NBR1: variants seen among roughly 807,000 people sequenced by gnomAD.
The protein encoded by NBR1 is NBR1 autophagy cargo receptor.
NBR1 carries 59 observed loss-of-function variants against 115.5 expected under a neutral mutation model. The ratio of observed to expected loss-of-function variants is 0.51; its 90% CI spans 0.41 to 0.63. The LOEUF is 0.63. NBR1 is among the 30% of genes least tolerant of loss of function. The pLI, the probability that NBR1 is intolerant of heterozygous loss-of-function variation, is 0.00. For missense variants in NBR1, 1,043 were observed against 1,150.5 expected (o/e 0.91, Z 1.35); for synonymous variants, 373 against 414.7 (o/e 0.90, Z 1.22).
Position 43,190,792 on chromosome 17 carries a change from T to G in NBR1, c.863+16T>G, listed in dbSNP as rs750246426. ...AACAAGTCAGGTAAAACCCTCTACA[T>G]GGAGATGCTTATTCTCTGATTGACT... On this transcript the variant is annotated intron_variant, in intron 9 of 20. Coordinates refer to ENST00000590996, the MANE Select transcript of NBR1 (RefSeq NM_005899.5). 6.4e-7 allele frequency: 1 copy of G among 1,567,008 alleles called. No homozygotes were observed. The highest frequency in any genetic ancestry group is 1.8e-5 in the Admixed American group (1 of 54,134).
At position 43,200,416 on chromosome 17, in the gene NBR1, G is replaced by A; in HGVS notation, c.2276G>A (p.Gly759Asp). 1.2e-6 allele frequency: 2 copies of A among 1,608,316 alleles called. No homozygotes were observed. Among genetic ancestry groups the A allele is most frequent in the Admixed American group, 1.7e-5 (1 of 58,760 alleles). Residue 759 changes from glycine to aspartate, a missense_variant, in exon 17 of 21, where the codon GGC becomes GAC. Transcript: ENST00000590996. Reference sequence around the variant, plus strand: ...TACAGCTCTGCGCTCTCACAGCCAGGCCTGGAGCGAGGTGCTGAAGGCAAG... The same window carrying A: ...TACAGCTCTGCGCTCTCACAGCCAGACCTGGAGCGAGGTGCTGAAGGCAAG... ...SMYSSALSQP[G>D]LERGAEGKPG...
rs1347356080 is a variant in NBR1, at chr17:43,200,177, C to T, written c.2037C>T (p.Ala679=). The T allele has an allele frequency of 1.9e-6, 3 of 1,546,638 alleles. No homozygotes were observed. In the African/African-American group the frequency reaches 4.1e-5, roughly 21 times the overall value. ...GCTTTCATCCTTTAGTGACATTTGC[C>T]TTGCCTGAAGGACCACTTGGAAATG... The part of the protein sequence containing the change: ...CRQKSLQMTF[A]LPEGPLGNEK... Residue 679 remains alanine, a synonymous_variant, in exon 17 of 21, where the codon GCC becomes GCT. Transcript: ENST00000590996.
chr17:43,171,204 C>A (rs2056353095), upstream of NBR1: 1 of 152,632 alleles, frequency 6.6e-6, no homozygotes, highest in Non-Finnish European at 1.5e-5. Context: ...CTGTCTTTAT[C>A]CGCCATGTTA....
intron 5 of NBR1, among the ~76,000 whole-genome samples, chr17:43,184,632 C>T (rs2056757202): frequency 6.6e-6 from 1 of 151,806 alleles, no homozygotes. Context: ...TCCCAAAATG[C>T]TGGGATTACA....
At chr17:43,196,802 C>T (rs1252863125) in intron 15 of NBR1, 140 bp from the exon 16 acceptor site, 3 of 978,830 alleles carry the variant, frequency 3.1e-6, no homozygotes, top group Non-Finnish European at 4.6e-6. Flanking sequence ...GGTGAATGTT[C>T]TTCAGCACTT....
chr17:43,197,124 TC>T lies in NBR1; in HGVS notation c.2026+22del, dbSNP rs1276304727. The T allele has an allele frequency of 1.9e-6, 3 of 1,612,282 alleles. No individual in the cohort carries two copies. The highest frequency in any genetic ancestry group is 3.3e-5 in the Admixed American group (2 of 59,926). On this transcript the variant is annotated intron_variant, in intron 16 of 20. Transcript: ENST00000590996. ...CTTGCAGAGTGAGTGTCCTTGCATT[TC>T]CCCTACCTAGCAGGGTGGCACCTGA...
chr17:43,186,482 C>G (rs2056805824), intron 6 of NBR1, 38 bp downstream of exon 6: 1 of 1,396,210 alleles, frequency 7.2e-7, no homozygotes, highest in Admixed American at 3.6e-5. Flanking sequence ...AATATCGTTT[C>G]TTTTTTCTTT....
At chr17:43,206,124 C>T (rs1314818895) in intron 20 of NBR1, among the ~76,000 whole-genome samples, 1 of 146,806 alleles carries the variant, frequency 6.8e-6, no homozygotes, top group East Asian at 2.0e-4. Flanking sequence ...TGCAGTGAGC[C>T]GAGATTGCGC....
At chr17:43,194,927 T>G (rs765407079) in intron 13 of NBR1, 37 bp from the exon 14 acceptor site, 1 of 1,537,478 alleles carries the variant, frequency 6.5e-7, no homozygotes, top group East Asian at 2.3e-5. Flanking sequence ...GGCTCCAGCA[T>G]GCACTCCAAA....
chr17:43,180,659 G>C, intron 4 of NBR1, 136 bp from the exon 5 acceptor site: 1 of 999,952 alleles, frequency 1.0e-6, no homozygotes, highest in Non-Finnish European at 1.3e-6. Context: ...TTTAGGATTG[G>C]CTATCCTTAA....
intron 10 of NBR1, 107 bp from the exon 11 acceptor site, chr17:43,192,987 G>T: frequency 9.1e-7 from 1 of 1,097,176 alleles, no homozygotes; most frequent in South Asian, 1.5e-5. Flanking sequence ...AAGGCAAATG[G>T]GTTAGCACAT....
rs532750287 is a variant in NBR1 at position 43,175,157 on chromosome 17, G to A, written c.-9-634G>A. Among the ~76,000 whole-genome samples the A allele has an allele frequency of 1.4e-4, 21 of 152,196 alleles. No individual in the cohort carries two copies. In the East Asian group the frequency reaches 3.9e-3, roughly 28 times the overall value. Reference sequence around the variant, plus strand: ...AATCAGTAGATTGTGAAAAAACATAGTAACTTGGATGGAGGGCATTGAATG... The same window carrying A: ...AATCAGTAGATTGTGAAAAAACATAATAACTTGGATGGAGGGCATTGAATG... On this transcript the variant is annotated intron_variant, in intron 1 of 20. Coordinates refer to ENST00000590996, the MANE Select transcript of NBR1 (RefSeq NM_005899.5).
intron 1 of NBR1, among the ~76,000 whole-genome samples, chr17:43,174,074 CTG>C (rs1395035783): frequency 6.6e-6 from 1 of 152,084 alleles, no homozygotes; most frequent in Non-Finnish European, 1.5e-5. Context: ...GATATCTAGA[CTG>C]TTTTTAAAAA....
chr17:43,172,274 T>C lies in NBR1; in HGVS notation c.-10+972T>C, dbSNP rs182096891. Among the ~76,000 whole-genome samples, 90 of 152,342 alleles carry C rather than the reference T, an allele frequency of 5.9e-4. No individual in the cohort carries two copies. In the East Asian group the frequency reaches 0.017, roughly 28 times the overall value. ...CTCCTGCTGAAAGAATTTTTTTACA[T>C]GTCAGCCAAAGAGAGTTCCTTATGA... is the stretch of plus-strand genomic sequence containing the variant. On this transcript the variant is annotated intron_variant, in intron 1 of 20. Transcript: ENST00000590996.
At chr17:43,173,397 C>T (rs927964813) in intron 1 of NBR1, among the ~76,000 whole-genome samples, 2 of 152,182 alleles carry the variant, frequency 1.3e-5, no homozygotes. Flanking sequence ...AAGCAATTCT[C>T]CTGCCTCAGC....
chr17:43,185,625 C>T (rs1226488280), intron 5 of NBR1, among the ~76,000 whole-genome samples: 1 of 152,074 alleles, frequency 6.6e-6, no homozygotes, highest in African/African-American at 2.4e-5. Context: ...CGCTTGAGCC[C>T]AAGAGACAGG....
intron 5 of NBR1, 84 bp from the exon 6 acceptor site, chr17:43,186,166 C>T: frequency 8.4e-7 from 1 of 1,191,846 alleles, no homozygotes; most frequent in Non-Finnish European, 1.2e-6. Context: ...ACTTACCACA[C>T]TCTTCTGTTT....
At chr17:43,182,398 T>A (rs531889691) in intron 5 of NBR1, among the ~76,000 whole-genome samples, 12 of 151,308 alleles carry the variant, frequency 7.9e-5, no homozygotes, top group African/African-American at 2.9e-4. Flanking sequence ...ATTTTGTAGT[T>A]TTTAGTAGAG....
chr17:43,178,464 G>C (rs1246971003), intron 3 of NBR1, among the ~76,000 whole-genome samples: 4 of 150,074 alleles, frequency 2.7e-5, no homozygotes, highest in Admixed American at 6.7e-5. Context: ...GCAACCTCCA[G>C]CTCCTGGGTT....
Sources: gnomAD v4.1 joint callset for allele counts (sites outside exome capture counted in the v4.1 genomes callset) on GRCh38, gnomAD v4.1.1 for gene constraint, MANE v1.5 for transcripts, NCBI Gene and HGNC (gene_info 2026-07-23, HGNC 2026-07-21) for gene names.